The following FBN3 variants were observed in gnomAD, a reference collection of about 807,000 sequenced individuals.
The protein encoded by FBN3 is fibrillin-3.
Under a neutral mutation model 330.1 loss-of-function variants are expected in FBN3, and 234 were observed. The ratio of observed to expected loss-of-function variants is 0.71; its 90% confidence interval spans 0.64 to 0.79. FBN3 has a LOEUF of 0.79. Ranked by LOEUF, FBN3 falls within the 30% of genes least tolerant of loss-of-function variation. The pLI, the probability that FBN3 is intolerant of heterozygous loss-of-function variation, is 0.00. For missense variants in FBN3, 3,606 were observed against 3,886.9 expected (o/e 0.93, Z 1.92); for synonymous variants, 1,458 against 1,517.3 (o/e 0.96, Z 0.91).
At chr19:8,146,002 A>C in intron 4 of FBN3, 64 bp from the exon 5 acceptor site, 2 of 1,485,224 alleles carry the variant, frequency 1.3e-6, no homozygotes, top group Non-Finnish European at 1.8e-6. Context: ...CCTCCTAGGA[A>C]GGCTGCAGGA....
Position 8,138,456 on chromosome 19 carries a change from C to T in FBN3, c.974G>A (p.Trp325Ter), listed in dbSNP as rs768644839. 1.2e-6 allele frequency: 2 copies of T among 1,613,316 alleles called. No homozygotes were observed. Among genetic ancestry groups the T allele is most frequent in the South Asian group, 1.1e-5 (1 of 91,060 alleles). Residue 325 changes from tryptophan (W) to a stop codon, truncating the protein, a stop_gained, in exon 9 of 64, where the codon TGG becomes TAG. Coordinates refer to ENST00000600128, the MANE Select transcript of FBN3 (RefSeq NM_032447.5). LOFTEE classifies it high-confidence loss of function. ...RQCCCDRGRC[W>*]AAGPVPELCP... ...CAGCTCAGGGACCGGGCCAGCTGCC[C>T]AGCACCTGCCCCTGTCACAGCAGCA... is the stretch of plus-strand genomic sequence containing the variant.
intron 14 of FBN3, among the ~76,000 whole-genome samples, chr19:8,132,237 G>A (rs11671061): frequency 0.28 from 42,644 of 151,856 alleles, 6,992 homozygotes; most frequent in Non-Finnish European, 0.39. Context: ...TTATAGAGAC[G>A]GAGTCTCATC....
chr19:8,097,504 G>T, intron 41 of FBN3, 90 bp from the exon 42 acceptor site: 3 of 1,406,254 alleles, frequency 2.1e-6, no homozygotes, highest in Non-Finnish European at 1.9e-6. Context: ...CTGCAATCTG[G>T]TTGAGGCTGT....
At position 8,115,560 on chromosome 19, in the gene FBN3, A is replaced by G. The variant is rs201873196; in HGVS notation, c.3793T>C (p.Cys1265Arg). ...TTCCTGACCATGTAGCCCAGCTGAC[A>G]GTGGCAGACAAAGGAACCCTTCGTG... ...ENTKGSFVCH[C>R]QLGYMVRKGA... The change falls in exon 30 of 64, where the codon TGT (cysteine) becomes CGT (arginine). Residue 1265 changes from cysteine (C) to arginine (R), a missense_variant. Physicochemically the swap from Cys to Arg is radical, Grantham distance 180. Transcript: ENST00000600128. 32 of 1,614,128 alleles carry G rather than the reference A, an allele frequency of 2.0e-5. 1 individual carries two copies. In the East Asian group the frequency reaches 7.1e-4, roughly 36 times the overall value.
chr19:8,130,601 A>AAGGAAGG (rs2083106820), intron 16 of FBN3, among the ~76,000 whole-genome samples: 1 of 12,772 alleles, frequency 7.8e-5, no homozygotes, highest in Non-Finnish European at 1.6e-4. Flanking sequence ...AGAAAGAAAG[A>AAGGAAGG]AAGAAAGAAA....
chr19:8,144,739 T>C (rs1043530559), intron 6 of FBN3, 138 bp downstream of exon 6: 4 of 614,980 alleles, frequency 6.5e-6, no homozygotes, highest in Non-Finnish European at 1.1e-5. Context: ...ATGAAAGAAA[T>C]GTCCTCAGAC....
At chr19:8,133,219 G>C (rs12975055) in intron 13 of FBN3, 113 bp from the exon 14 acceptor site, 165,068 of 1,304,192 alleles carry the variant, frequency 0.13, 10,918 homozygotes, top group East Asian at 0.15. Context: ...AGTGTGGGAG[G>C]CAAACAAGCT....
At position 8,131,930 on chromosome 19, in the gene FBN3, C is replaced by A; in HGVS notation, c.1715-101G>T. 7.6e-7 allele frequency: 1 copy of A among 1,318,700 alleles called. No individual in the cohort carries two copies. The highest frequency in any genetic ancestry group is 1.0e-6 in the Non-Finnish European group (1 of 1,001,840). 81.7% of individuals were successfully genotyped at this position (1,318,700 alleles called of 1,614,324 possible). ...TTCCATCTTCCCAGCCATTCTATTTCTTTCCTTTCCAGTTTCTTGTCTTTC... is the reference window on the plus strand; with the variant it reads ...TTCCATCTTCCCAGCCATTCTATTTATTTCCTTTCCAGTTTCTTGTCTTTC... On this transcript the variant is annotated intron_variant, in intron 14 of 63. Transcript: ENST00000600128. The surrounding 1 kb of genome is among the most constrained non-coding windows in gnomAD (Gnocchi z 4.5).
intron 32 of FBN3, 146 bp from the exon 33 acceptor site, chr19:8,111,329 G>A: frequency 2.8e-6 from 3 of 1,074,664 alleles, no homozygotes; most frequent in Non-Finnish European, 3.9e-6. Context: ...TGACTTGGGG[G>A]TGGGAGGCGA....
Position 8,096,999 on chromosome 19 carries a change from A to G in FBN3, c.5295T>C (p.Asp1765=). Residue 1765 remains aspartate, a synonymous_variant, in exon 43 of 64, where the codon GAT becomes GAC. Transcript: ENST00000600128. This position sits in a 1 kb window ranked among gnomAD's most constrained non-coding sequence, Gnocchi z 4.6. ...AGGGACTCTCCCTGCTGCCACACTC[A>G]TCGACATCTGGGAAAATACAGCAAA... The part of the protein sequence containing the change: ...NSILLACEDV[D]ECGSRESPCQ... 1 of 1,613,058 alleles carries G rather than the reference A, an allele frequency of 6.2e-7. No individual in the cohort carries two copies. The highest frequency in any genetic ancestry group is 8.5e-7 in the Non-Finnish European group (1 of 1,179,780).
chr19:8,110,673 C>A (rs540654293), intron 34 of FBN3, among the ~76,000 whole-genome samples, 172 bp downstream of exon 34: 2 of 152,164 alleles, frequency 1.3e-5, no homozygotes, highest in African/African-American at 4.8e-5. Flanking sequence ...ATTTAGCAGG[C>A]GAACAGGAAC....
intron 47 of FBN3, among the ~76,000 whole-genome samples, chr19:8,093,451 G>T (rs992221689): frequency 6.6e-6 from 1 of 151,888 alleles, no homozygotes; most frequent in Non-Finnish European, 1.5e-5. Flanking sequence ...GTGAAACCCC[G>T]TCTCTACTAA....
At chr19:8,117,808 C>T (rs2082739907) in intron 26 of FBN3, among the ~76,000 whole-genome samples, 2 of 152,126 alleles carry the variant, frequency 1.3e-5, no homozygotes, top group African/African-American at 4.8e-5. Context: ...CGTGCCCGCT[C>T]ACACAGACTC....
At chr19:8,128,911 A>C in intron 18 of FBN3, 117 bp downstream of exon 18, 4 of 1,237,178 alleles carry the variant, frequency 3.2e-6, no homozygotes, top group Non-Finnish European at 4.5e-6. Context: ...GTGTGTGAAT[A>C]GAGGTAACAT....
rs554449944 is a variant in FBN3, at chr19:8,098,107, G to C, written c.5162-693C>G. On this transcript the variant is annotated intron_variant, in intron 41 of 63. Coordinates refer to ENST00000600128, the MANE Select transcript of FBN3 (RefSeq NM_032447.5). Reference sequence around the variant, plus strand: ...GAATGTACTCAAAACCACTAAAGAGGGCACTTTAAATGGGTGAAGTGTGTG... The same window carrying C: ...GAATGTACTCAAAACCACTAAAGAGCGCACTTTAAATGGGTGAAGTGTGTG... Among the ~76,000 whole-genome samples the C allele has an allele frequency of 4.6e-5, 7 of 152,264 alleles. No homozygotes were observed. The South Asian group carries it at 1.5e-3, about 32-fold the overall frequency.
In FBN3 at chr19:8,109,789, C is replaced by T. The variant is rs1348633061; in HGVS notation, c.4334-36G>A. 6.9e-7 allele frequency: 1 copy of T among 1,443,092 alleles called. No individual in the cohort carries two copies. Among genetic ancestry groups the T allele is most frequent in the Admixed American group, 2.6e-5 (1 of 37,952 alleles). The allele number at this position is 1,443,092 out of a possible 1,614,324, so 89.4% of individuals were successfully genotyped here. On this transcript the variant is annotated intron_variant, in intron 34 of 63. Coordinates refer to ENST00000600128, the MANE Select transcript of FBN3 (RefSeq NM_032447.5). This position sits in a 1 kb window ranked among gnomAD's most constrained non-coding sequence, Gnocchi z 5.2. The stretch of plus-strand genomic sequence containing the variant: ...GAAGCGCGGTCCTCAGCAGGGAGCC[C>T]CTTCCTCGGCCCCCCTCCCTCCTAG...
Position 8,109,580 on chromosome 19 carries a change from C to T in FBN3, c.4456+51G>A, listed in dbSNP as rs2082530045. On this transcript the variant is annotated intron_variant, in intron 35 of 63. Coordinates refer to ENST00000600128, the MANE Select transcript of FBN3 (RefSeq NM_032447.5). The surrounding 1 kb of genome is among the most constrained non-coding windows in gnomAD (Gnocchi z 5.2). ...GAGTTAACCCAGTGGGGCAATCCCACCCACCTCTGCTGACCCCAGAACCCT... is the reference window on the plus strand; with the variant it reads ...GAGTTAACCCAGTGGGGCAATCCCATCCACCTCTGCTGACCCCAGAACCCT... The T allele has an allele frequency of 6.4e-7, 1 of 1,560,010 alleles. No individual in the cohort carries two copies. The highest frequency in any genetic ancestry group is 1.4e-5 in the African/African-American group (1 of 73,832).
Position 8,080,627 on chromosome 19 carries a change from ATTTTT to A in FBN3, c.7453+371_7453+375del, listed in dbSNP as rs535467292. On this transcript the variant is annotated intron_variant, in intron 59 of 63. Transcript: ENST00000600128. ...CAATACACACCGGGTGCTTGATACT[ATTTTT>A]TTTGAGACAGAGTTTCGCTCTTGTT... 1.4e-3 allele frequency among the ~76,000 whole-genome samples: 216 copies of A among 151,758 alleles called. 1 individual carries two copies. Among genetic ancestry groups the A allele is most frequent in the African/African-American group, 4.9e-3 (203 of 41,374 alleles).
At position 8,109,178 on chromosome 19, in the gene FBN3, G is replaced by A. The variant is rs774195528; in HGVS notation, c.4618+49C>T. The A allele has an allele frequency of 2.5e-6, 4 of 1,576,072 alleles. No individual in the cohort carries two copies. The Admixed American group carries it at 5.2e-5, about 20-fold the overall frequency. On this transcript the variant is annotated intron_variant, in intron 36 of 63. Coordinates refer to ENST00000600128, the MANE Select transcript of FBN3 (RefSeq NM_032447.5). This position sits in a 1 kb window ranked among gnomAD's most constrained non-coding sequence, Gnocchi z 5.2. ...GCAGAGGTGACCCCCTAAGCTCCCG[G>A]GCCTCGGTGGCTTAGGTCACGGTGT...
Sources: gnomAD v4.1 joint callset for allele counts (sites outside exome capture counted in the v4.1 genomes callset) on GRCh38, gnomAD v4.1.1 for gene constraint, Gnocchi (gnomAD v3.1) non-coding constraint, MANE v1.5 for transcripts, NCBI Gene and HGNC (gene_info 2026-07-23, HGNC 2026-07-21) for gene names.